Variants in PPP1R9A observed in about 807,000 individuals in gnomAD.
The protein encoded by PPP1R9A is protein phosphatase 1 regulatory subunit 9A.
A neutral mutation model predicts 141.9 loss-of-function variants in PPP1R9A; 59 were observed. The observed-to-expected ratio is 0.42, with a 90% CI of 0.34 to 0.52. The LOEUF (loss-of-function observed/expected upper bound fraction) is 0.52, where lower values mean the gene tolerates loss of function less well. Ranked by LOEUF, PPP1R9A falls within the 20% of genes least tolerant of loss-of-function variation. The probability of loss-of-function intolerance (pLI) is 0.10; values close to 1 mark genes in which losing one functional copy is unlikely to be tolerated. For synonymous variants in PPP1R9A, 500 were observed against 569.7 expected (o/e 0.88, Z 1.74); for missense variants, 1,444 against 1,611.9 (o/e 0.90, Z 1.78).
intron 2 of PPP1R9A, among the ~76,000 whole-genome samples, chr7:94,994,261 C>T (rs999226675): frequency 1.3e-5 from 2 of 152,036 alleles, no homozygotes; most frequent in African/African-American, 4.8e-5. Flanking sequence ...TTCATTCCTT[C>T]CCGCTGGGTA....
At chr7:95,023,632 C>A (rs554807803) in intron 2 of PPP1R9A, among the ~76,000 whole-genome samples, 4 of 152,232 alleles carry the variant, frequency 2.6e-5, no homozygotes, top group African/African-American at 7.2e-5. Flanking sequence ...TGGCTCACTG[C>A]AAGCTCTGCC....
intron 2 of PPP1R9A, among the ~76,000 whole-genome samples, chr7:95,094,336 T>C (rs1369904090): frequency 6.6e-6 from 1 of 152,184 alleles, no homozygotes; most frequent in Non-Finnish European, 1.5e-5. Context: ...TTGCTCATTA[T>C]ACAGAATTTG....
intron 4 of PPP1R9A, among the ~76,000 whole-genome samples, chr7:95,131,398 C>T (rs1430477666): frequency 6.6e-6 from 1 of 152,162 alleles, no homozygotes; most frequent in African/African-American, 2.4e-5. Flanking sequence ...ATAAATTACC[C>T]AATCTTTGAT....
chr7:95,226,396 G>A (rs1392186247), intron 8 of PPP1R9A, among the ~76,000 whole-genome samples: 1 of 152,108 alleles, frequency 6.6e-6, no homozygotes, highest in Non-Finnish European at 1.5e-5. Flanking sequence ...TATTTTTTCA[G>A]TTTTACAGAA....
chr7:95,238,491 C>T (rs753911925), intron 8 of PPP1R9A, among the ~76,000 whole-genome samples: 42 of 152,164 alleles, frequency 2.8e-4, no homozygotes, highest in Non-Finnish European at 5.7e-4. Context: ...CTGTACTCTC[C>T]TGCTTCAGAT....
intron 2 of PPP1R9A, among the ~76,000 whole-genome samples, chr7:95,043,828 A>G (rs1204735372): frequency 6.6e-6 from 1 of 152,166 alleles, no homozygotes; most frequent in African/African-American, 2.4e-5. Flanking sequence ...TTAAAACATC[A>G]TCTCTAGACC....
chr7:95,129,649 T>C (rs1250817975), intron 4 of PPP1R9A, among the ~76,000 whole-genome samples: 1 of 152,184 alleles, frequency 6.6e-6, no homozygotes, highest in Non-Finnish European at 1.5e-5. Context: ...TGGGAAAATT[T>C]GGAACTTCCT....
At chr7:95,220,150 A>C (rs531180926) in intron 7 of PPP1R9A, among the ~76,000 whole-genome samples, 1 of 152,266 alleles carries the variant, frequency 6.6e-6, no homozygotes, top group African/African-American at 2.4e-5. Flanking sequence ...ACTGACAAAA[A>C]AATGGAAAGA....
At chr7:95,132,380 G>A (rs984012949) in intron 4 of PPP1R9A, among the ~76,000 whole-genome samples, 28 of 152,004 alleles carry the variant, frequency 1.8e-4, no homozygotes, top group Non-Finnish European at 5.9e-5. Flanking sequence ...AGTTTCTTGA[G>A]GTTTTCATCA....
At chr7:95,236,737 T>G (rs1796732429) in intron 8 of PPP1R9A, among the ~76,000 whole-genome samples, 1 of 151,792 alleles carries the variant, frequency 6.6e-6, no homozygotes, top group African/African-American at 2.4e-5. Context: ...TTCTTTCTTC[T>G]TTTTTTCTTC....
chr7:95,114,636 AATAT>A (rs1432657230), intron 3 of PPP1R9A, among the ~76,000 whole-genome samples: 1 of 152,166 alleles, frequency 6.6e-6, no homozygotes, highest in Non-Finnish European at 1.5e-5. Context: ...TGGAGATTTC[AATAT>A]ATTTCTTTCA....
At chr7:95,181,542 TAG>T (rs1361521168) in intron 5 of PPP1R9A, among the ~76,000 whole-genome samples, 6 of 135,924 alleles carry the variant, frequency 4.4e-5, no homozygotes, top group East Asian at 2.1e-4. Context: ...ATATAGAATA[TAG>T]AGAGAGAATA....
chr7:94,938,929 C>A (rs1321817541), intron 2 of PPP1R9A, among the ~76,000 whole-genome samples: 1 of 152,060 alleles, frequency 6.6e-6, no homozygotes, highest in Non-Finnish European at 1.5e-5. Flanking sequence ...ATACGCTATT[C>A]CTGTGTTTTT....
At chr7:95,163,056 A>G (rs1012070849) in intron 5 of PPP1R9A, among the ~76,000 whole-genome samples, 1 of 152,192 alleles carries the variant, frequency 6.6e-6, no homozygotes, top group Non-Finnish European at 1.5e-5. Flanking sequence ...GAAGATCACT[A>G]TGTGTTCTTA....
chr7:95,200,475 T>C (rs1789311148), intron 6 of PPP1R9A, among the ~76,000 whole-genome samples: 1 of 151,890 alleles, frequency 6.6e-6, no homozygotes, highest in African/African-American at 2.4e-5. Context: ...AGATGAGGTC[T>C]CACTATGTTG....
chr7:95,100,460 T>C (rs1236163502), intron 2 of PPP1R9A, among the ~76,000 whole-genome samples: 1 of 152,196 alleles, frequency 6.6e-6, no homozygotes, highest in Non-Finnish European at 1.5e-5. Context: ...TTGAGAGGAC[T>C]TAGTAAGCAG....
chr7:95,062,282 C>G lies in PPP1R9A; in HGVS notation c.1396-48977C>G, dbSNP rs138204842. Among the ~76,000 whole-genome samples the G allele has an allele frequency of 9.5e-3, 1,441 of 152,242 alleles. 14 individuals are homozygous for G. Among genetic ancestry groups the G allele is most frequent in the Middle Eastern group, 0.017 (5 of 294 alleles). ...GCTTGTATGAAGTCACATGACAGTT[C>G]ACATTTGAGATGGCATAAGAAGGGC... On this transcript the variant is annotated intron_variant, in intron 2 of 19. Coordinates refer to ENST00000433360, the MANE Select transcript of PPP1R9A (RefSeq NM_001166160.2).
rs183024589 is a variant in PPP1R9A at position 95,210,239 on chromosome 7, G to A, written c.1956+6509G>A. ...TTTATGCTCACAAGCAGCTTATTTTGCTGTGGAAACAGTAAATATGTATGA... is the reference window on the plus strand; with the variant it reads ...TTTATGCTCACAAGCAGCTTATTTTACTGTGGAAACAGTAAATATGTATGA... On this transcript the variant is annotated intron_variant, in intron 7 of 19. Coordinates refer to ENST00000433360, the MANE Select transcript of PPP1R9A (RefSeq NM_001166160.2). Among the ~76,000 whole-genome samples, 4 of 152,116 alleles carry A rather than the reference G, an allele frequency of 2.6e-5. No homozygotes were observed. In the East Asian group the frequency reaches 7.7e-4, roughly 29 times the overall value.
At chr7:95,079,781 C>T (rs1298425270) in intron 2 of PPP1R9A, among the ~76,000 whole-genome samples, 2 of 152,056 alleles carry the variant, frequency 1.3e-5, no homozygotes, top group Admixed American at 1.3e-4. Flanking sequence ...AAGGCTGGTT[C>T]AATATATGCA....
Sources: allele counts gnomAD v4.1 joint callset (sites outside exome capture counted in the v4.1 genomes callset), GRCh38; gene constraint gnomAD v4.1.1; transcripts MANE v1.5; gene names NCBI Gene and HGNC (gene_info 2026-07-23, HGNC 2026-07-21).